The following UBR4 variants were observed in gnomAD, a reference collection of about 807,000 sequenced individuals.
UBR4 encodes E3 ubiquitin-protein ligase UBR4.
A neutral mutation model predicts 575.6 loss-of-function variants in UBR4; 124 were observed. The observed-to-expected ratio is 0.22, with a 90% CI of 0.19 to 0.25. The LOEUF (loss-of-function observed/expected upper bound fraction) is 0.25, where lower values mean the gene tolerates loss of function less well. Ranked by LOEUF, UBR4 falls within the 10% of genes least tolerant of loss-of-function variation. The pLI, the probability that UBR4 is intolerant of heterozygous loss-of-function variation, is 1.00. For missense variants in UBR4, 4,818 were observed against 6,478.8 expected (o/e 0.74, Z 8.80); for synonymous variants, 2,455 against 2,473.7 (o/e 0.99, Z 0.22).
rs772257056 is a variant in UBR4 at position 19,148,131 on chromosome 1, A to C, written c.7495-4T>G. 5 of 1,603,634 alleles carry C rather than the reference A, an allele frequency of 3.1e-6. No homozygotes were observed. Among genetic ancestry groups the C allele is most frequent in the Non-Finnish European group, 4.2e-6 (5 of 1,177,538 alleles). Reference sequence around the variant, plus strand: ...GAGCAGCATTCTTGTTTCTCTCCTAAGGCAAAAGACAGCAGGGTTATCACT... The same window carrying C: ...GAGCAGCATTCTTGTTTCTCTCCTACGGCAAAAGACAGCAGGGTTATCACT... On this transcript the variant is annotated splice_polypyrimidine_tract_variant and splice_region_variant and intron_variant, in intron 50 of 105. Coordinates refer to ENST00000375254, the MANE Select transcript of UBR4 (RefSeq NM_020765.3).
rs766446755 is a variant in UBR4, at chr1:19,150,673, A to G, written c.7334T>C (p.Val2445Ala). The change falls in exon 49 of 106, where the codon GTC (valine) becomes GCC (alanine). Residue 2445 changes from valine (V) to alanine (A), a missense_variant. Transcript: ENST00000375254. ...EPPEEFPSAS[V>A]SNICPSNLNQ... ...CAGATTTGAAGGGCAGATGTTGCTG[A>G]CAGAGGCAGAAGGGAATTCTTCTGG... 8 of 1,614,162 alleles carry G rather than the reference A, an allele frequency of 5.0e-6. No individual in the cohort carries two copies. Among genetic ancestry groups the G allele is most frequent in the Non-Finnish European group, 6.8e-6 (8 of 1,180,024 alleles).
intron 9 of UBR4, among the ~76,000 whole-genome samples, chr1:19,192,914 C>T (rs1354232096): frequency 6.6e-6 from 1 of 152,044 alleles, no homozygotes; most frequent in Admixed American, 6.6e-5. Context: ...TCCAGAGTAG[C>T]GGGGATTACA....
chr1:19,104,614 TGCA>T lies in UBR4; in HGVS notation c.12695_12697del (p.Leu4232del). 6.2e-7 allele frequency: 1 copy of T among 1,614,170 alleles called. No individual in the cohort carries two copies. The highest frequency in any genetic ancestry group is 8.5e-7 in the Non-Finnish European group (1 of 1,180,018). On this transcript the variant is annotated inframe_deletion, in exon 86 of 106. Transcript: ENST00000375254. ...GAGACTTTTAAGGGCATAACCCTGC[TGCA>T]GATCGGTACTCAGGGTAGCCTCCTC...
intron 29 of UBR4, 25 bp downstream of exon 29, chr1:19,166,997 C>T (rs2088612552): frequency 6.2e-7 from 1 of 1,613,578 alleles, no homozygotes; most frequent in Non-Finnish European, 8.5e-7. Context: ...TCATAGGAAA[C>T]CTGACTGTTC....
chr1:19,141,863 C>A, intron 55 of UBR4, 86 bp from the exon 56 acceptor site: 1 of 1,563,974 alleles, frequency 6.4e-7, no homozygotes. Context: ...CAACAAAAAC[C>A]CAAGACAAGC....
chr1:19,193,392 T>C (rs765574314), intron 9 of UBR4, 41 bp downstream of exon 9: 1 of 1,606,080 alleles, frequency 6.2e-7, no homozygotes, highest in Non-Finnish European at 8.5e-7. Flanking sequence ...CTCCCTCATT[T>C]GAACAATCAA....
At chr1:19,171,944 AG>A (rs2089616232) in intron 25 of UBR4, among the ~76,000 whole-genome samples, 1 of 152,200 alleles carries the variant, frequency 6.6e-6, no homozygotes, top group African/African-American at 2.4e-5. Context: ...ACTGCTGCAA[AG>A]GGAACTAATT....
chr1:19,120,280 C>T lies in UBR4; in HGVS notation c.10210G>A (p.Asp3404Asn), dbSNP rs1019109258. ...AGGAACTGGATCAGGGTTTCCTTATCGGCAAATTTGTTCAGCTGGTTCACC... is the reference window on the plus strand; with the variant it reads ...AGGAACTGGATCAGGGTTTCCTTATTGGCAAATTTGTTCAGCTGGTTCACC... ...ALVNQLNKFADKETLIQFLRC... is the reference protein window; with the variant it reads ...ALVNQLNKFANKETLIQFLRC... The change falls in exon 69 of 106, where the codon GAT becomes AAT. Residue 3404 changes from aspartate to asparagine, a missense_variant. Physicochemically the swap from Asp to Asn is conservative, Grantham distance 23. Around this residue, in one of 29 missense-constraint regions of UBR4, gnomAD observed 550 missense variants for 791.5 expected, o/e 0.69. Transcript: ENST00000375254. 6 of 1,613,988 alleles carry T rather than the reference C, an allele frequency of 3.7e-6. No individual in the cohort carries two copies. Among genetic ancestry groups the T allele is most frequent in the Non-Finnish European group, 5.1e-6 (6 of 1,180,032 alleles).
chr1:19,188,030 TTAAATAAATAAATAAATAAA>T (rs34415262), intron 11 of UBR4, among the ~76,000 whole-genome samples: 2 of 140,928 alleles, frequency 1.4e-5, no homozygotes, highest in Non-Finnish European at 3.1e-5. Context: ...AAACAAAAAA[TTAAATAAATAAATAAATAAA>T]TAAATAAATA....
chr1:19,092,783 C>T (rs61766782), intron 97 of UBR4, 36 bp downstream of exon 97: 24,648 of 1,545,886 alleles, frequency 0.016, 252 homozygotes, highest in Non-Finnish European at 0.019. Flanking sequence ...ATACTTGTAC[C>T]CCTGTACCCT....
At chr1:19,128,885 G>A (rs926788336) in intron 61 of UBR4, 93 bp downstream of exon 61, 49 of 1,134,408 alleles carry the variant, frequency 4.3e-5, no homozygotes, top group East Asian at 2.4e-4. Flanking sequence ...AACACCAAAC[G>A]AAGGCTTCCA....
At chr1:19,150,182 A>G (rs2085469088) in intron 49 of UBR4, among the ~76,000 whole-genome samples, 1 of 152,182 alleles carries the variant, frequency 6.6e-6, no homozygotes, top group South Asian at 2.1e-4. Context: ...AGAAGTAGCT[A>G]CGCAGAGAAA....
At chr1:19,086,333 G>C (rs1411637189) in intron 100 of UBR4, 63 bp from the exon 101 acceptor site, 1 of 1,208,090 alleles carries the variant, frequency 8.3e-7, no homozygotes, top group South Asian at 1.5e-5. Context: ...CAGGCACCTG[G>C]GCGGGGGGGC....
At chr1:19,084,390 C>G in intron 102 of UBR4, 114 bp downstream of exon 102, 3 of 1,157,134 alleles carry the variant, frequency 2.6e-6, no homozygotes, top group Non-Finnish European at 2.4e-6. Context: ...TGCCTTAGGC[C>G]AGACGCTTGC....
At position 19,141,631 on chromosome 1, in the gene UBR4, G is replaced by A; in HGVS notation, c.8310+16C>T. On this transcript the variant is annotated intron_variant, in intron 56 of 105. Coordinates refer to ENST00000375254, the MANE Select transcript of UBR4 (RefSeq NM_020765.3). ...GTGAAGCTCCTCCTCCCCTTCTCCT[G>A]CTGCCAGAGACTCACCACCATCTCA... is the stretch of plus-strand genomic sequence containing the variant. 6.2e-7 allele frequency: 1 copy of A among 1,613,212 alleles called. No homozygotes were observed. Among genetic ancestry groups the A allele is most frequent in the East Asian group, 2.2e-5 (1 of 44,884 alleles).
At chr1:19,188,276 T>C (rs1455821669) in intron 11 of UBR4, among the ~76,000 whole-genome samples, 4 of 152,190 alleles carry the variant, frequency 2.6e-5, no homozygotes, top group Admixed American at 2.0e-4. Context: ...AAGAGAGGCC[T>C]GGAGCAGTGG....
chr1:19,121,795 T>C (rs945114692), intron 67 of UBR4, 139 bp downstream of exon 67: 3 of 1,082,386 alleles, frequency 2.8e-6, no homozygotes, highest in African/African-American at 3.2e-5. Context: ...ACTTGTCTTC[T>C]TTGCTAGACA....
chr1:19,144,023 T>C lies in UBR4; in HGVS notation c.8136A>G (p.Arg2712=). 1 of 1,614,144 alleles carries C rather than the reference T, an allele frequency of 6.2e-7. No individual in the cohort carries two copies. The highest frequency in any genetic ancestry group is 8.5e-7 in the Non-Finnish European group (1 of 1,179,964). The change falls in exon 55 of 106, where the codon AGA becomes AGG. Residue 2712 remains arginine (R), a synonymous_variant. Transcript: ENST00000375254. The part of the protein sequence containing the change: ...IRVLRPRNKR[R]HVTLPSSPRS... ...GAGGGGAAGAGGGTAAAGTCACATG[T>C]CTCCGTTTGTTCCTGGGCCTTAGGA...
chr1:19,169,596 A>G, intron 26 of UBR4, 64 bp from the exon 27 acceptor site: 1 of 1,414,748 alleles, frequency 7.1e-7, no homozygotes, highest in Non-Finnish European at 9.8e-7. Context: ...GAGCATTTTA[A>G]AAGCCAAGCC....
Sources: gnomAD v4.1 joint callset for allele counts (sites outside exome capture counted in the v4.1 genomes callset) on GRCh38, gnomAD v4.1.1 for gene constraint, gnomAD v4.1.1 regional missense constraint, MANE v1.5 for transcripts, NCBI Gene and HGNC (gene_info 2026-07-23, HGNC 2026-07-21) for gene names.